The following DLGAP1 variants were observed in gnomAD, a reference collection of about 807,000 sequenced individuals.
DLGAP1 encodes disks large-associated protein 1.
DLGAP1 carries 11 observed loss-of-function variants against 90.8 expected under a neutral mutation model. That is an observed-to-expected ratio of 0.12 (90% CI 0.08 to 0.20). DLGAP1 has a LOEUF of 0.20. Ranked by LOEUF, DLGAP1 falls within the 10% of genes least tolerant of loss-of-function variation. DLGAP1 has a pLI of 1.00. For missense variants in DLGAP1, 1,050 were observed against 1,333.8 expected (o/e 0.79, Z 3.31); for synonymous variants, 558 against 540.7 (o/e 1.03, Z -0.44).
intron 7 of DLGAP1, among the ~76,000 whole-genome samples, chr18:3,583,191 T>TGCCC: frequency 6.8e-6 from 1 of 147,384 alleles, no homozygotes; most frequent in East Asian, 2.1e-4. Context: ...CCTACCTTCC[T>TGCCC]TCCTTCCTTC....
chr18:3,929,085 T>TAAGTTTC (rs2072458465), intron 3 of DLGAP1, among the ~76,000 whole-genome samples: 3 of 152,146 alleles, frequency 2.0e-5, no homozygotes, highest in African/African-American at 7.2e-5. Context: ...TTTCCTGAGG[T>TAAGTTTC]CTCCCAGCCA....
Position 3,848,127 on chromosome 18 carries a change from C to CAA in DLGAP1, c.957+30983_957+30984dup, listed in dbSNP as rs3862177. Reference sequence around the variant, plus strand: ...TGGATGATGGAGCAAGGCCCCGTCTCAAAAAAAAAAAAAAAAAAAAAAAAA... The same window carrying CAA: ...TGGATGATGGAGCAAGGCCCCGTCTCAAAAAAAAAAAAAAAAAAAAAAAAAAA... On this transcript the variant is annotated intron_variant, in intron 4 of 12. Transcript: ENST00000315677. Among the ~76,000 whole-genome samples the CAA allele has an allele frequency of 1.2e-3, 39 of 32,074 alleles. 5 individuals are homozygous for CAA. The highest frequency in any genetic ancestry group is 5.1e-3 in the African/African-American group (30 of 5,826). The allele number at this position is 32,074 out of a possible 152,430, so 21.0% of individuals were successfully genotyped here.
intron 3 of DLGAP1, among the ~76,000 whole-genome samples, chr18:3,987,010 T>C (rs1182210153): frequency 6.6e-6 from 1 of 152,224 alleles, no homozygotes; most frequent in Non-Finnish European, 1.5e-5. Flanking sequence ...GACACTGGTT[T>C]AATAACTTGA....
chr18:4,223,153 A>AT (rs1202372286), intron 1 of DLGAP1, among the ~76,000 whole-genome samples: 9 of 152,132 alleles, frequency 5.9e-5, no homozygotes, highest in African/African-American at 9.7e-5. Flanking sequence ...TGTGTGAAGC[A>AT]TTTAGTACAT....
intron 2 of DLGAP1, among the ~76,000 whole-genome samples, chr18:4,140,398 G>T (rs1052670832): frequency 6.6e-6 from 1 of 151,840 alleles, no homozygotes; most frequent in African/African-American, 2.4e-5. Context: ...TAAGCAAAGA[G>T]AAAATGAATA....
At position 3,499,106 on chromosome 18, in the gene DLGAP1, G is replaced by A. The variant is rs1052175100; in HGVS notation, c.*79C>T. 4 of 1,317,926 alleles carry A rather than the reference G, an allele frequency of 3.0e-6. No individual in the cohort carries two copies. Among genetic ancestry groups the A allele is most frequent in the Middle Eastern group, 2.7e-4 (1 of 3,750 alleles). 81.6% of individuals were successfully genotyped at this position (1,317,926 alleles called of 1,614,324 possible). On this transcript the variant is annotated 3_prime_UTR_variant, in exon 13 of 13. Coordinates refer to ENST00000315677, the MANE Select transcript of DLGAP1 (RefSeq NM_004746.4). This position sits in a 1 kb window ranked among gnomAD's most constrained non-coding sequence, Gnocchi z 6.4. Reference sequence around the variant, plus strand: ...AGCTCGGGAGCGGACGGGCTCGGAGGGGGAGAGGCAGCCGGCAGAGGAGCG... The same window carrying A: ...AGCTCGGGAGCGGACGGGCTCGGAGAGGGAGAGGCAGCCGGCAGAGGAGCG...
intron 2 of DLGAP1, among the ~76,000 whole-genome samples, chr18:4,052,853 A>G (rs7233583): frequency 0.94 from 142,605 of 152,214 alleles, 67,270 homozygotes; most frequent in Non-Finnish European, 0.99. Context: ...TATAGGGTGG[A>G]GGCAAAAAGC....
chr18:4,453,003 A>G (rs954345304), intron 1 of DLGAP1, among the ~76,000 whole-genome samples: 5 of 152,224 alleles, frequency 3.3e-5, no homozygotes, highest in Non-Finnish European at 7.3e-5. Flanking sequence ...ATAGCTATAA[A>G]TTTAAAAAAA....
In DLGAP1 at chr18:4,411,914, T is replaced by C. The variant is rs191192277; in HGVS notation, c.-267+43092A>G. ...TAACCATCACTTCTGCCACATTTGA[T>C]TGATCACAGCCTGTCAAAAGTCCAG... On this transcript the variant is annotated intron_variant, in intron 1 of 12. Coordinates refer to ENST00000315677, the MANE Select transcript of DLGAP1 (RefSeq NM_004746.4). Among the ~76,000 whole-genome samples, 8 of 152,256 alleles carry C rather than the reference T, an allele frequency of 5.3e-5. No homozygotes were observed. The East Asian group carries it at 1.4e-3, about 26-fold the overall frequency.
At chr18:4,056,899 G>A (rs913255728) in intron 2 of DLGAP1, among the ~76,000 whole-genome samples, 1 of 152,048 alleles carries the variant, frequency 6.6e-6, no homozygotes, top group African/African-American at 2.4e-5. Flanking sequence ...AGCACATCCG[G>A]ATGATAACTA....
At chr18:4,396,003 AC>A (rs1472773991) in intron 1 of DLGAP1, among the ~76,000 whole-genome samples, 1 of 152,198 alleles carries the variant, frequency 6.6e-6, no homozygotes, top group Non-Finnish European at 1.5e-5. Context: ...CCTGTAGAAT[AC>A]AAACATATGA....
chr18:4,337,142 AG>A lies in DLGAP1; in HGVS notation c.-267+117863del, dbSNP rs201107770. Among the ~76,000 whole-genome samples, 131 of 147,480 alleles carry A rather than the reference AG, an allele frequency of 8.9e-4. 1 individual carries two copies. The highest frequency in any genetic ancestry group is 1.2e-3 in the Admixed American group (18 of 14,834). ...AAAAAGAAAAAAGAAAAAAAAAAAA[AG>A]AGCAAAAGTAGTAGTAGGTCAGTTG... is the stretch of plus-strand genomic sequence containing the variant. On this transcript the variant is annotated intron_variant, in intron 1 of 12. Coordinates refer to ENST00000315677, the MANE Select transcript of DLGAP1 (RefSeq NM_004746.4).
chr18:3,687,258 C>G (rs1278739690), intron 7 of DLGAP1, among the ~76,000 whole-genome samples: 2 of 152,174 alleles, frequency 1.3e-5, no homozygotes, highest in African/African-American at 4.8e-5. Flanking sequence ...TGAATACAGG[C>G]ACTCTCTCTT....
rs748824745 is a variant in DLGAP1 at position 3,496,903 on chromosome 18, T to C, written c.*2282A>G. 7.9e-5 allele frequency: 12 copies of C among 152,254 alleles called. No homozygotes were observed. Among genetic ancestry groups the C allele is most frequent in the Non-Finnish European group, 1.6e-4 (11 of 68,046 alleles). The allele number at this position is 152,254 out of a possible 1,614,324, so 9.4% of individuals were successfully genotyped here. ...TAAAATTCTTACCAAAAATAGCTTA[T>C]GAATATACAAATGCCGTTCACTTAG... is the stretch of plus-strand genomic sequence containing the variant. On this transcript the variant is annotated 3_prime_UTR_variant, in exon 13 of 13. Coordinates refer to ENST00000315677, the MANE Select transcript of DLGAP1 (RefSeq NM_004746.4).
chr18:4,358,255 C>T (rs995297323), intron 1 of DLGAP1, among the ~76,000 whole-genome samples: 4 of 152,054 alleles, frequency 2.6e-5, no homozygotes, highest in African/African-American at 9.7e-5. Context: ...TTCAGTGAAT[C>T]TAATAAAATA....
At chr18:3,656,905 C>T (rs1292850617) in intron 7 of DLGAP1, among the ~76,000 whole-genome samples, 2 of 151,894 alleles carry the variant, frequency 1.3e-5, no homozygotes, top group Non-Finnish European at 2.9e-5. Context: ...CGCCAGCACG[C>T]CCGGCTAATT....
At chr18:3,906,773 C>T (rs893095922) in intron 3 of DLGAP1, among the ~76,000 whole-genome samples, 4 of 152,152 alleles carry the variant, frequency 2.6e-5, no homozygotes, top group Non-Finnish European at 5.9e-5. Flanking sequence ...AATTACTTTG[C>T]ATGTCTACAT....
At chr18:4,319,672 A>T (rs2080628405) in intron 1 of DLGAP1, among the ~76,000 whole-genome samples, 1 of 152,204 alleles carries the variant, frequency 6.6e-6, no homozygotes, top group Non-Finnish European at 1.5e-5. Context: ...TGTGCCCAGG[A>T]TTCAGCATTT....
chr18:4,233,260 C>G (rs984415597), intron 1 of DLGAP1, among the ~76,000 whole-genome samples: 58 of 152,162 alleles, frequency 3.8e-4, no homozygotes, highest in African/African-American at 1.3e-3. Context: ...AGCCAGAAAA[C>G]AGATTGAAGT....
Sources: allele counts gnomAD v4.1 joint callset (sites outside exome capture counted in the v4.1 genomes callset), GRCh38; gene constraint gnomAD v4.1.1; non-coding constraint Gnocchi (gnomAD v3.1); transcripts MANE v1.5; gene names NCBI Gene and HGNC (gene_info 2026-07-23, HGNC 2026-07-21).